The following MAGI1 variants were observed in gnomAD, a reference collection of about 807,000 sequenced individuals.
MAGI1 encodes membrane associated guanylate kinase, WW and PDZ domain containing 1, also known as membrane-associated guanylate kinase, WW and PDZ domain-containing protein 1.
A neutral mutation model predicts 139.9 loss-of-function variants in MAGI1; 58 were observed. That is an observed-to-expected ratio of 0.41 (90% CI 0.34 to 0.52). The LOEUF (loss-of-function observed/expected upper bound fraction) is 0.52, where lower values mean the gene tolerates loss of function less well. MAGI1 is among the 20% of genes least tolerant of loss of function. The pLI is 0.12. For missense variants in MAGI1, 1,874 were observed against 1,901.6 expected (o/e 0.99, Z 0.27); for synonymous variants, 812 against 737.9 (o/e 1.10, Z -1.63).
chr3:65,988,245 AT>A (rs67766427), intron 1 of MAGI1, among the ~76,000 whole-genome samples: 9,159 of 152,254 alleles, frequency 0.06, 308 homozygotes, highest in East Asian at 0.11. Context: ...TGTTGGTGAC[AT>A]CCTATTTTTT....
chr3:65,469,698 T>C (rs1348843772), intron 5 of MAGI1: 2 of 151,610 alleles, frequency 1.3e-5, no homozygotes, highest in East Asian at 1.9e-4. Context: ...AAAAGCACAA[T>C]TGACTAAAAA....
At chr3:65,407,915 A>C (rs1017567408) in intron 12 of MAGI1, among the ~76,000 whole-genome samples, 1 of 152,190 alleles carries the variant, frequency 6.6e-6, no homozygotes, top group Non-Finnish European at 1.5e-5. Context: ...AGTTTGTTCT[A>C]TCTCTCCTTT....
At chr3:65,690,810 C>T (rs1006247017) in intron 1 of MAGI1, among the ~76,000 whole-genome samples, 1 of 119,608 alleles carries the variant, frequency 8.4e-6, no homozygotes, top group Non-Finnish European at 1.6e-5. Flanking sequence ...TACATTTTAA[C>T]CACTATTATA....
chr3:65,797,228 C>T (rs1399301497), intron 1 of MAGI1, among the ~76,000 whole-genome samples: 2 of 152,174 alleles, frequency 1.3e-5, no homozygotes, highest in Non-Finnish European at 2.9e-5. Flanking sequence ...TGGTCTCTTA[C>T]ATTTTCAAAA....
chr3:65,773,611 T>C (rs1441548686), intron 1 of MAGI1, among the ~76,000 whole-genome samples: 1 of 152,174 alleles, frequency 6.6e-6, no homozygotes, highest in Non-Finnish European at 1.5e-5. Flanking sequence ...TCTATCCATA[T>C]CACTCGGATT....
chr3:65,688,458 CTCAAAAGTGACCTTCCCT>C (rs1484275312), intron 1 of MAGI1: 17 of 479,238 alleles, frequency 3.5e-5, no homozygotes, highest in African/African-American at 2.8e-4. Flanking sequence ...AGCATGGAAA[CTCAAAAGTGACCTTCCCT>C]TCACTCCCTT....
chr3:65,563,707 G>T (rs776200678), intron 2 of MAGI1, among the ~76,000 whole-genome samples: 5 of 151,900 alleles, frequency 3.3e-5, no homozygotes, highest in Non-Finnish European at 5.9e-5. Flanking sequence ...AGTAACCCTG[G>T]GTAAGGTTAC....
chr3:65,699,256 G>C (rs1215250859), intron 1 of MAGI1, among the ~76,000 whole-genome samples: 3 of 114,942 alleles, frequency 2.6e-5, no homozygotes, highest in African/African-American at 1.2e-4. Context: ...TGGAGAAATA[G>C]GAACACTTTT....
chr3:66,024,076 C>T (rs796572711), intron 1 of MAGI1, among the ~76,000 whole-genome samples: 6 of 152,172 alleles, frequency 3.9e-5, no homozygotes, highest in African/African-American at 1.4e-4. Context: ...CATTTCCTGA[C>T]CCTTTTTGTG....
At chr3:65,781,896 C>G (rs114423718) in intron 1 of MAGI1, among the ~76,000 whole-genome samples, 69,814 of 151,826 alleles carry the variant, frequency 0.46, 16,582 homozygotes, top group Non-Finnish European at 0.54. Flanking sequence ...GACTGGGGAA[C>G]CCCCCCTCAC....
rs928811588 is a variant in MAGI1 at position 65,548,920 on chromosome 3, G to A, written c.431-55289C>T. ...AGCAGGCCAGGGAAGCGGGGTCGGCGGGAACGGGAGGCAGCAAGGGGGAAG... is the reference window on the plus strand; with the variant it reads ...AGCAGGCCAGGGAAGCGGGGTCGGCAGGAACGGGAGGCAGCAAGGGGGAAG... On this transcript the variant is annotated intron_variant, in intron 2 of 22. Transcript: ENST00000402939. Among the ~76,000 whole-genome samples the A allele has an allele frequency of 6.6e-5, 10 of 152,116 alleles. No homozygotes were observed. The East Asian group carries it at 1.9e-3, about 29-fold the overall frequency.
chr3:65,381,421 GA>G (rs1306017841), intron 16 of MAGI1, among the ~76,000 whole-genome samples: 3,461 of 143,148 alleles, frequency 0.024, 127 homozygotes, highest in African/African-American at 0.082. Flanking sequence ...CTTGTAGAAA[GA>G]AAAAAAAAAA....
At chr3:65,852,445 G>A (rs1249945778) in intron 1 of MAGI1, among the ~76,000 whole-genome samples, 1 of 151,858 alleles carries the variant, frequency 6.6e-6, no homozygotes. Context: ...AGACAGACGT[G>A]CGTATATACA....
chr3:65,979,664 A>G (rs1285964214), intron 1 of MAGI1, among the ~76,000 whole-genome samples: 1 of 152,182 alleles, frequency 6.6e-6, no homozygotes, highest in Non-Finnish European at 1.5e-5. Flanking sequence ...AGAAACTGGG[A>G]ACCATGTGAC....
intron 9 of MAGI1, among the ~76,000 whole-genome samples, chr3:65,438,088 G>T (rs1947973639): frequency 1.3e-5 from 2 of 152,160 alleles, no homozygotes; most frequent in African/African-American, 2.4e-5. Context: ...TATGTTTACT[G>T]CAGCACTACT....
chr3:65,659,917 ATC>A (rs1461787938), intron 1 of MAGI1, among the ~76,000 whole-genome samples: 7 of 152,162 alleles, frequency 4.6e-5, no homozygotes, highest in Admixed American at 2.6e-4. Flanking sequence ...TTTGGTTACA[ATC>A]TCTCTGTGCT....
At chr3:65,713,124 C>T (rs758569759) in intron 1 of MAGI1, among the ~76,000 whole-genome samples, 2 of 152,198 alleles carry the variant, frequency 1.3e-5, no homozygotes. Context: ...TCCTTCTACT[C>T]CTGAGCCAGT....
chr3:65,971,604 A>G lies in MAGI1; in HGVS notation c.313+66392T>C, dbSNP rs148245502. ...CAAGTCAAGCACATGTTTTCACGCA[A>G]TTCAAAGAAAACAAACTGTGAACAA... On this transcript the variant is annotated intron_variant, in intron 1 of 22. Coordinates refer to ENST00000402939, the MANE Select transcript of MAGI1 (RefSeq NM_001033057.2). Among the ~76,000 whole-genome samples, 692 of 152,268 alleles carry G rather than the reference A, an allele frequency of 4.5e-3. 9 individuals carry two copies. The highest frequency in any genetic ancestry group is 0.015 in the African/African-American group (632 of 41,570).
Position 65,727,464 on chromosome 3 carries a change from G to A in MAGI1, c.314-105376C>T, listed in dbSNP as rs13095065. Among the ~76,000 whole-genome samples, 9 of 152,050 alleles carry A rather than the reference G, an allele frequency of 5.9e-5. No individual in the cohort carries two copies. The East Asian group carries it at 9.6e-4, about 16-fold the overall frequency. ...AGGCTGGCCTTGAACTTCTGTGTTCGAGCAATCCTCCAGCCTCAGCCTCCT... is the reference window on the plus strand; with the variant it reads ...AGGCTGGCCTTGAACTTCTGTGTTCAAGCAATCCTCCAGCCTCAGCCTCCT... On this transcript the variant is annotated intron_variant, in intron 1 of 22. Transcript: ENST00000402939.
Sources: allele counts gnomAD v4.1 joint callset (sites outside exome capture counted in the v4.1 genomes callset), GRCh38; gene constraint gnomAD v4.1.1; transcripts MANE v1.5; gene names NCBI Gene and HGNC (gene_info 2026-07-23, HGNC 2026-07-21).